FER: variants seen among roughly 807,000 people sequenced by gnomAD.
FER encodes the protein tyrosine-protein kinase Fer.
FER carries 63 observed loss-of-function variants against 111.0 expected under a neutral mutation model. The observed-to-expected ratio is 0.57, with a 90% CI of 0.46 to 0.70. The LOEUF (loss-of-function observed/expected upper bound fraction) is 0.70, where lower values mean the gene tolerates loss of function less well. Ranked by LOEUF, FER falls within the 30% of genes least tolerant of loss-of-function variation. FER has a pLI of 0.00. For missense variants in FER, 914 were observed against 954.0 expected, an observed-to-expected ratio of 0.96 and a Z score of 0.55; for synonymous variants, 327 against 313.9, an observed-to-expected ratio of 1.04 and a Z score of -0.44.
In FER at chr5:108,899,072, C is replaced by T. The variant is rs1238406758; in HGVS notation, c.1236+1224C>T. 2.7e-4 allele frequency among the ~76,000 whole-genome samples: 37 copies of T among 137,928 alleles called. 1 individual carries two copies. The South Asian group carries it at 7.2e-3, about 27-fold the overall frequency. The allele number at this position is 137,928 out of a possible 152,430, so 90.5% of individuals were successfully genotyped here. ...ATAGTATGATTTGATTAAGTGGGTT[C>T]ATATGTCTCCATAGCAAAAAAAAAA... is the stretch of plus-strand genomic sequence containing the variant. On this transcript the variant is annotated intron_variant, in intron 10 of 19. Transcript: ENST00000281092.
At chr5:108,926,798 C>T (rs188637761) in intron 10 of FER, among the ~76,000 whole-genome samples, 135 of 152,160 alleles carry the variant, frequency 8.9e-4, no homozygotes, top group African/African-American at 3.0e-3. Context: ...ACTATTTAGC[C>T]TCTGTGTTTT....
intron 13 of FER, among the ~76,000 whole-genome samples, chr5:108,985,545 A>C (rs1455684625): frequency 1.3e-5 from 2 of 152,096 alleles, no homozygotes; most frequent in African/African-American, 4.8e-5. Context: ...TTACCCGAGC[A>C]GTATACGCTG....
intron 17 of FER, among the ~76,000 whole-genome samples, chr5:109,173,219 C>G (rs1307787832): frequency 6.6e-6 from 1 of 152,322 alleles, no homozygotes; most frequent in East Asian, 1.9e-4. Flanking sequence ...TTAAGGGAAG[C>G]CAGATGACTT....
chr5:109,167,380 T>G (rs1418710325), intron 17 of FER, among the ~76,000 whole-genome samples: 1 of 152,190 alleles, frequency 6.6e-6, no homozygotes, highest in African/African-American at 2.4e-5. Flanking sequence ...AACCATAGAA[T>G]GCAGTGTTCC....
chr5:109,066,962 C>G (rs1175802842), intron 16 of FER, among the ~76,000 whole-genome samples: 2 of 152,120 alleles, frequency 1.3e-5, no homozygotes, highest in African/African-American at 2.4e-5. Context: ...GAAACATCAT[C>G]TGGAGGTGAC....
chr5:109,045,657 C>A (rs191665933), intron 15 of FER, among the ~76,000 whole-genome samples: 1 of 152,236 alleles, frequency 6.6e-6, no homozygotes, highest in Admixed American at 6.5e-5. Flanking sequence ...TACTATTAAA[C>A]GTCAACTCTT....
chr5:108,783,752 T>C (rs529287513), intron 2 of FER, among the ~76,000 whole-genome samples: 92 of 152,154 alleles, frequency 6.0e-4, no homozygotes, highest in Admixed American at 1.5e-3. Context: ...TGATGCTGCC[T>C]GAGGGAGTAG....
At chr5:109,179,686 A>G (rs773007132) in intron 17 of FER, among the ~76,000 whole-genome samples, 1 of 152,188 alleles carries the variant, frequency 6.6e-6, no homozygotes. Context: ...TTCCCTAAAT[A>G]TAACAACTAT....
At chr5:109,025,857 T>C (rs1019710772) in intron 13 of FER, among the ~76,000 whole-genome samples, 9 of 152,204 alleles carry the variant, frequency 5.9e-5, no homozygotes, top group African/African-American at 2.2e-4. Flanking sequence ...TCAAAGGCCT[T>C]TTTGAACGTA....
At chr5:108,893,046 T>C (rs1748405983) in intron 9 of FER, among the ~76,000 whole-genome samples, 1 of 152,220 alleles carries the variant, frequency 6.6e-6, no homozygotes, top group East Asian at 1.9e-4. Context: ...TTGGTACCAG[T>C]ACCATGCTGT....
At chr5:108,790,193 T>A (rs1011955818) in intron 2 of FER, among the ~76,000 whole-genome samples, 1 of 148,856 alleles carries the variant, frequency 6.7e-6, no homozygotes, top group Non-Finnish European at 1.5e-5. Flanking sequence ...CATAGGGAGA[T>A]CCCATCTTAA....
At chr5:109,142,020 C>T (rs982602725) in intron 17 of FER, among the ~76,000 whole-genome samples, 8 of 152,076 alleles carry the variant, frequency 5.3e-5, no homozygotes, top group Non-Finnish European at 1.0e-4. Flanking sequence ...TTCCAAGGTC[C>T]GTTTTTCCTG....
chr5:109,135,360 C>T (rs1386937906), intron 17 of FER, among the ~76,000 whole-genome samples: 1 of 152,178 alleles, frequency 6.6e-6, no homozygotes, highest in South Asian at 2.1e-4. Context: ...GTGATTTTCT[C>T]CAGATCATAT....
chr5:108,855,408 A>G (rs929260335), intron 5 of FER, among the ~76,000 whole-genome samples: 2 of 151,034 alleles, frequency 1.3e-5, no homozygotes, highest in African/African-American at 2.4e-5. Flanking sequence ...CGAGGCGGGC[A>G]GATGACAAGG....
intron 17 of FER, among the ~76,000 whole-genome samples, chr5:109,139,042 G>A (rs932938443): frequency 7.2e-5 from 11 of 152,134 alleles, no homozygotes; most frequent in Admixed American, 1.3e-4. Flanking sequence ...ATTTGCTTTT[G>A]GACTTGTTGA....
At chr5:109,012,360 G>A (rs568174271) in intron 13 of FER, among the ~76,000 whole-genome samples, 1 of 152,206 alleles carries the variant, frequency 6.6e-6, no homozygotes, top group Non-Finnish European at 1.5e-5. Flanking sequence ...TTTCATGGGA[G>A]GGATAGCAAC....
At chr5:109,034,765 A>C (rs753734387) in intron 13 of FER, among the ~76,000 whole-genome samples, 3 of 152,036 alleles carry the variant, frequency 2.0e-5, no homozygotes, top group Non-Finnish European at 4.4e-5. Flanking sequence ...CTAGGTTATC[A>C]TTGTCTAAAG....
intron 17 of FER, among the ~76,000 whole-genome samples, chr5:109,160,718 A>T (rs1361105994): frequency 6.6e-6 from 1 of 152,158 alleles, no homozygotes; most frequent in African/African-American, 2.4e-5. Flanking sequence ...CTCTTCTCTG[A>T]GTCTGTTTTT....
intron 10 of FER, among the ~76,000 whole-genome samples, chr5:108,940,254 A>T (rs1345377523): frequency 6.6e-6 from 1 of 152,054 alleles, no homozygotes; most frequent in East Asian, 1.9e-4. Flanking sequence ...GGTCTTTTTG[A>T]TGGACATTTT....
Sources: gnomAD v4.1 joint callset for allele counts (sites outside exome capture counted in the v4.1 genomes callset) on GRCh38, gnomAD v4.1.1 for gene constraint, MANE v1.5 for transcripts, NCBI Gene and HGNC (gene_info 2026-07-23, HGNC 2026-07-21) for gene names.